The following UBR4 variants were observed in gnomAD, a reference collection of about 807,000 sequenced individuals.
UBR4 encodes E3 ubiquitin-protein ligase UBR4.
UBR4 carries 124 observed loss-of-function variants against 575.6 expected under a neutral mutation model. The ratio of observed to expected loss-of-function variants is 0.22; its 90% CI spans 0.19 to 0.25. The LOEUF is 0.25. Ranked by LOEUF, UBR4 falls within the 10% of genes least tolerant of loss-of-function variation. The probability of loss-of-function intolerance (pLI) is 1.00; values close to 1 mark genes in which losing one functional copy is unlikely to be tolerated. For missense variants in UBR4, 4,818 were observed against 6,478.8 expected (o/e 0.74, Z 8.80); for synonymous variants, 2,455 against 2,473.7 (o/e 0.99, Z 0.22).
chr1:19,173,390 C>G (rs373354774), intron 23 of UBR4, 49 bp downstream of exon 23: 1 of 1,612,462 alleles, frequency 6.2e-7, no homozygotes, highest in Non-Finnish European at 8.5e-7. Flanking sequence ...CTCCAGTAAG[C>G]ACAAAGCACT....
chr1:19,199,080 T>C (rs1203893410), intron 3 of UBR4, 152 bp from the exon 4 acceptor site: 1 of 856,740 alleles, frequency 1.2e-6, no homozygotes, highest in Non-Finnish European at 1.8e-6. Context: ...CCTTAGACCG[T>C]ATGTAGCTTA....
chr1:19,163,120 T>C (rs1339289532), intron 34 of UBR4, among the ~76,000 whole-genome samples: 2 of 152,154 alleles, frequency 1.3e-5, no homozygotes, highest in Non-Finnish European at 2.9e-5. Context: ...ACCCAATTAA[T>C]TGGCATCAAA....
At chr1:19,114,438 C>T (rs561433514) in intron 75 of UBR4, among the ~76,000 whole-genome samples, 2 of 152,282 alleles carry the variant, frequency 1.3e-5, no homozygotes, top group East Asian at 1.9e-4. Flanking sequence ...AACCTCCCCC[C>T]GCCCCTGCCC....
At chr1:19,196,482 C>T (rs529940560) in intron 8 of UBR4, among the ~76,000 whole-genome samples, 3 of 152,236 alleles carry the variant, frequency 2.0e-5, no homozygotes, top group East Asian at 3.9e-4. Context: ...TGATATGTCT[C>T]GGAACTTAAA....
At chr1:19,189,069 A>G (rs1378293281) in intron 11 of UBR4, among the ~76,000 whole-genome samples, 1 of 152,228 alleles carries the variant, frequency 6.6e-6, no homozygotes, top group African/African-American at 2.4e-5. Flanking sequence ...ACAAATGACC[A>G]ATAAATAGGT....
chr1:19,141,392 TG>T lies in UBR4; in HGVS notation c.8442del (p.Met2815TrpfsTer4). 1 of 1,614,158 alleles carries T rather than the reference TG, an allele frequency of 6.2e-7. No homozygotes were observed. The highest frequency in any genetic ancestry group is 8.5e-7 in the Non-Finnish European group (1 of 1,180,012). The stretch of plus-strand genomic sequence containing the variant: ...CTCAGGGCAATGGCTAGTTCAACCA[TG>T]GTCTCGTCATCTGCATCAGGTGGGA... Reference protein sequence around the residue: ...LDIPPDADDETMVELAIALSL... With the variant: ...LDIPPDADDEXMVELAIALSL... On this transcript the variant is annotated frameshift_variant, in exon 57 of 106. Transcript: ENST00000375254. LOFTEE classifies it high-confidence loss of function.
Position 19,187,311 on chromosome 1 carries a change from A to C in UBR4, c.1495-10T>G. ...CATCTGTCTCCCAACCCTGAAGGCA[A>C]TGATATCAAAGGGCAATTAATGATA... On this transcript the variant is annotated splice_polypyrimidine_tract_variant and intron_variant, in intron 12 of 105. Transcript: ENST00000375254. 6.2e-7 allele frequency: 1 copy of C among 1,611,688 alleles called. No homozygotes were observed. The highest frequency in any genetic ancestry group is 8.5e-7 in the Non-Finnish European group (1 of 1,178,254).
Position 19,152,079 on chromosome 1 carries a change from T to C in UBR4, c.6997-220A>G, listed in dbSNP as rs1441732374. ...CCTTCTCCCCAGTATTAACCACCTC[T>C]TTGATGTCCTCTACACAGTAATCCT... On this transcript the variant is annotated intron_variant, in intron 47 of 105. Transcript: ENST00000375254. The surrounding 1 kb of genome is among the most constrained non-coding windows in gnomAD (Gnocchi z 4.4). 6.6e-6 allele frequency among the ~76,000 whole-genome samples: 1 copy of C among 152,192 alleles called. No individual in the cohort carries two copies. The highest frequency in any genetic ancestry group is 6.5e-5 in the Admixed American group (1 of 15,288).
At chr1:19,182,663 G>A (rs1022088829) in intron 17 of UBR4, among the ~76,000 whole-genome samples, 17 of 152,212 alleles carry the variant, frequency 1.1e-4, no homozygotes, top group African/African-American at 4.8e-5. Context: ...CACCTAATGC[G>A]TGTAAGCGAA....
chr1:19,157,045 G>T lies in UBR4; in HGVS notation c.5761-120C>A. On this transcript the variant is annotated intron_variant, in intron 40 of 105. Coordinates refer to ENST00000375254, the MANE Select transcript of UBR4 (RefSeq NM_020765.3). The surrounding 1 kb of genome is among the most constrained non-coding windows in gnomAD (Gnocchi z 4.4). The stretch of plus-strand genomic sequence containing the variant: ...TGCACACTTTTTTCTTTACAGATAA[G>T]TCTAGTAGAAAATCCTAGATCAGTA... The T allele has an allele frequency of 8.6e-7, 1 of 1,169,458 alleles. No homozygotes were observed. The highest frequency in any genetic ancestry group is 1.2e-6 in the Non-Finnish European group (1 of 849,780). 72.4% of individuals were successfully genotyped at this position (1,169,458 alleles called of 1,614,324 possible). A position where few individuals can be genotyped will look rare whatever the true frequency, so the allele number is the denominator to read the frequency against.
chr1:19,085,121 T>C (rs2076884198), intron 101 of UBR4, among the ~76,000 whole-genome samples: 1 of 152,242 alleles, frequency 6.6e-6, no homozygotes, highest in Admixed American at 6.5e-5. Context: ...CTTTTGTTTT[T>C]CCTATGTCAA....
chr1:19,164,188 T>A, intron 33 of UBR4, 65 bp downstream of exon 33: 1 of 1,533,932 alleles, frequency 6.5e-7, no homozygotes, highest in Non-Finnish European at 8.8e-7. Context: ...CTTTGAGCTA[T>A]AAAGAAAGTA....
chr1:19,105,873 A>C, intron 83 of UBR4, 31 bp from the exon 84 acceptor site: 1 of 1,505,528 alleles, frequency 6.6e-7, no homozygotes. Context: ...GGGGTCGTAG[A>C]CTCAGAGGAT....
At chr1:19,099,304 C>T (rs2078380033) in intron 90 of UBR4, among the ~76,000 whole-genome samples, 1 of 152,216 alleles carries the variant, frequency 6.6e-6, no homozygotes, top group Non-Finnish European at 1.5e-5. Flanking sequence ...ACAGAGCCTC[C>T]TTCGACACCC....
rs2081019988 is a variant in UBR4 at position 19,120,183 on chromosome 1, T to C, written c.10307A>G (p.Tyr3436Cys). The change falls in exon 69 of 106, where the codon TAC (tyrosine) becomes TGC (cysteine). Residue 3436 changes from tyrosine (Y) to cysteine (C), a missense_variant. Around this residue, in one of 29 missense-constraint regions of UBR4, gnomAD observed 550 missense variants for 791.5 expected, o/e 0.69. Coordinates refer to ENST00000375254, the MANE Select transcript of UBR4 (RefSeq NM_020765.3). ...WQAHCLTLHI[Y>C]RNSSKSQQEL... ...TCAAACCAAGCCCTGGCCCTACCTG[T>C]AGATGTGCAGTGTCAGACAGTGGGC... is the stretch of plus-strand genomic sequence containing the variant. 1 of 1,613,872 alleles carries C rather than the reference T, an allele frequency of 6.2e-7. No homozygotes were observed. Among genetic ancestry groups the C allele is most frequent in the Admixed American group, 1.7e-5 (1 of 59,990 alleles).
In UBR4 at chr1:19,124,545, G is replaced by A. The variant is rs2081525081; in HGVS notation, c.9584C>T (p.Ser3195Phe). ...CAGCTTGGGACTTTCACTTACCTCG[G>A]AGAGAAAGTAAAACCACGAGTGGTC... Reference protein sequence around the residue: ...VFDHSWFYFLSEYLMIQQTPF... With the variant: ...VFDHSWFYFLFEYLMIQQTPF... The change falls in exon 65 of 106, where the codon TCC (serine) becomes TTC (phenylalanine). Residue 3195 changes from serine (S) to phenylalanine (F), a missense_variant. Transcript: ENST00000375254. 1 of 1,614,126 alleles carries A rather than the reference G, an allele frequency of 6.2e-7. No homozygotes were observed. The highest frequency in any genetic ancestry group is 8.5e-7 in the Non-Finnish European group (1 of 1,179,974).
chr1:19,113,982 A>G lies in UBR4; in HGVS notation c.11291T>C (p.Leu3764Pro). The change falls in exon 76 of 106, where the codon CTC (leucine) becomes CCC (proline). Residue 3764 changes from leucine (L) to proline (P), a missense_variant. Physicochemically the swap from Leu to Pro is moderately conservative, Grantham distance 98. Around this residue, in one of 29 missense-constraint regions of UBR4, gnomAD observed 333 missense variants for 459.2 expected, o/e 0.73. Transcript: ENST00000375254. ...TGGAGCTGCCTCATTCACTTTGCAG[A>G]GCAGGTTCTCCAGCTGTGGCCGGTG... ...MGHRPQLENL[L>P]CKVNEAAPEK... 6.2e-7 allele frequency: 1 copy of G among 1,614,222 alleles called. No individual in the cohort carries two copies. Among genetic ancestry groups the G allele is most frequent in the South Asian group, 1.1e-5 (1 of 91,080 alleles).
Position 19,110,632 on chromosome 1 carries a change from T to G in UBR4, c.11892+110A>C, listed in dbSNP as rs1570597695. The G allele has an allele frequency of 1.4e-6, 2 of 1,402,306 alleles. No individual in the cohort carries two copies. The highest frequency in any genetic ancestry group is 4.6e-5 in the East Asian group (2 of 43,878). 86.9% of individuals were successfully genotyped at this position (1,402,306 alleles called of 1,614,324 possible). ...TGGGAAAACCATTCTGGGGTAATGTTCTGCTCCTTCCCTCCTCAGTCACCG... is the reference window on the plus strand; with the variant it reads ...TGGGAAAACCATTCTGGGGTAATGTGCTGCTCCTTCCCTCCTCAGTCACCG... On this transcript the variant is annotated intron_variant, in intron 79 of 105. Transcript: ENST00000375254. This position sits in a 1 kb window ranked among gnomAD's most constrained non-coding sequence, Gnocchi z 4.5.
At position 19,100,249 on chromosome 1, in the gene UBR4, A is replaced by G. The variant is rs1021582446; in HGVS notation, c.13221+127T>C. 5 of 952,626 alleles carry G rather than the reference A, an allele frequency of 5.2e-6. No homozygotes were observed. In the African/African-American group the frequency reaches 8.1e-5, roughly 15 times the overall value. The allele number at this position is 952,626 out of a possible 1,614,324, so 59.0% of individuals were successfully genotyped here. A position where few individuals can be genotyped will look rare whatever the true frequency, so the allele number is the denominator to read the frequency against. On this transcript the variant is annotated intron_variant, in intron 89 of 105. Coordinates refer to ENST00000375254, the MANE Select transcript of UBR4 (RefSeq NM_020765.3). This position sits in a 1 kb window ranked among gnomAD's most constrained non-coding sequence, Gnocchi z 4.2. Reference sequence around the variant, plus strand: ...GTGGGAATCATTAACCCCAACTTACAGAGTGGAGAAACTGAAGGCCACCTG... The same window carrying G: ...GTGGGAATCATTAACCCCAACTTACGGAGTGGAGAAACTGAAGGCCACCTG...
Sources: allele counts gnomAD v4.1 joint callset (sites outside exome capture counted in the v4.1 genomes callset), GRCh38; gene constraint gnomAD v4.1.1; regional missense constraint gnomAD v4.1.1; non-coding constraint Gnocchi (gnomAD v3.1); transcripts MANE v1.5; gene names NCBI Gene and HGNC (gene_info 2026-07-23, HGNC 2026-07-21).